The following DCDC2B variants were observed in gnomAD, a reference collection of about 807,000 sequenced individuals.
The protein encoded by DCDC2B is doublecortin domain containing 2B, also known as doublecortin domain-containing protein 2B.
A neutral mutation model predicts 38.9 loss-of-function variants in DCDC2B; 41 were observed. The ratio of observed to expected loss-of-function variants is 1.05; its 90% CI spans 0.82 to 1.37. The LOEUF (loss-of-function observed/expected upper bound fraction) is 1.37, where lower values mean the gene tolerates loss of function less well. Among genes scored for constraint, DCDC2B ranks in the 40% most tolerant of loss-of-function variants. The pLI is 0.00. For missense variants in DCDC2B, 453 were observed against 427.2 expected (o/e 1.06, Z -0.53); for synonymous variants, 181 against 171.9 (o/e 1.05, Z -0.41).
At position 32,215,495 on chromosome 1, in the gene DCDC2B, G is replaced by A. The variant is rs780508572; in HGVS notation, c.906G>A (p.Leu302=). ...PHRRKETAGA[L]EVADDEDTQT... is the part of the protein sequence containing the mutation. ...GAAGGAAGGAGACAGCGGGGGCCCT[G>A]GAAGTAGCAGATGATGAAGACACTC... Residue 302 remains leucine, a synonymous_variant, in exon 8 of 9, where the codon CTG becomes CTA. Transcript: ENST00000409358. The A allele has an allele frequency of 1.2e-6, 2 of 1,613,674 alleles. No homozygotes were observed. Among genetic ancestry groups the A allele is most frequent in the Non-Finnish European group, 1.7e-6 (2 of 1,179,852 alleles).
At chr1:32,211,607 G>A (rs527424116) in intron 2 of DCDC2B, among the ~76,000 whole-genome samples, 154 bp from the exon 3 acceptor site, 1 of 152,304 alleles carries the variant, frequency 6.6e-6, no homozygotes, top group Non-Finnish European at 1.5e-5. Context: ...GAACATCTAA[G>A]CACCGTTTGG....
intron 8 of DCDC2B, 128 bp downstream of exon 8, chr1:32,215,671 A>C: frequency 9.0e-7 from 1 of 1,106,254 alleles, no homozygotes; most frequent in Non-Finnish European, 1.3e-6. Context: ...CTAACTTCCT[A>C]CCTTGTTAAA....
intron 1 of DCDC2B, 68 bp from the exon 2 acceptor site, chr1:32,211,204 C>T: frequency 1.4e-6 from 2 of 1,458,054 alleles, no homozygotes; most frequent in Non-Finnish European, 1.9e-6. Flanking sequence ...CAACCCAACA[C>T]TGACATCTGC....
Position 32,213,602 on chromosome 1 carries a change from G to A in DCDC2B, c.714+809G>A, listed in dbSNP as rs1217584302. On this transcript the variant is annotated intron_variant, in intron 6 of 8. Coordinates refer to ENST00000409358, the MANE Select transcript of DCDC2B (RefSeq NM_001099434.2). ...TGGCTCACTGCCAGCTCCGCCTCCC[G>A]GGTTCATGCCATTCTCCTGCCTCAG... 8.1e-5 allele frequency among the ~76,000 whole-genome samples: 12 copies of A among 147,976 alleles called. No individual in the cohort carries two copies. In the East Asian group the frequency reaches 1.0e-3, roughly 12 times the overall value.
At position 32,212,934 on chromosome 1, in the gene DCDC2B, A is replaced by C; in HGVS notation, c.714+141A>C. 3 of 1,056,740 alleles carry C rather than the reference A, an allele frequency of 2.8e-6. No individual in the cohort carries two copies. The South Asian group carries it at 4.8e-5, about 17-fold the overall frequency. 65.5% of individuals were successfully genotyped at this position (1,056,740 alleles called of 1,614,324 possible). ...GAGACAGAGTCTTGCTCTGTAGTCCAGGCTGGAGTGCAGTGGCAGGATCTT... is the reference window on the plus strand; with the variant it reads ...GAGACAGAGTCTTGCTCTGTAGTCCCGGCTGGAGTGCAGTGGCAGGATCTT... On this transcript the variant is annotated intron_variant, in intron 6 of 8. Coordinates refer to ENST00000409358, the MANE Select transcript of DCDC2B (RefSeq NM_001099434.2).
rs903637223 is a variant in DCDC2B, at chr1:32,209,299, C to T, written c.206C>T (p.Ala69Val). 6.2e-7 allele frequency: 1 copy of T among 1,613,924 alleles called. No homozygotes were observed. Among genetic ancestry groups the T allele is most frequent in the African/African-American group, 1.3e-5 (1 of 74,938 alleles). ...CATGGCCACCCTGTCACCAACCTGGCAGACTTGAAGAACAGAGGGCAGTAT... is the reference window on the plus strand; with the variant it reads ...CATGGCCACCCTGTCACCAACCTGGTAGACTTGAAGAACAGAGGGCAGTAT... ...PCHGHPVTNL[A>V]DLKNRGQYVA... Residue 69 changes from alanine (A) to valine (V), a missense_variant, in exon 1 of 9, where the codon GCA (alanine) becomes GTA (valine). By Grantham distance (64) the Ala-to-Val change is moderately conservative. Transcript: ENST00000409358.
chr1:32,211,882 G>T (rs1569750288), intron 3 of DCDC2B, 45 bp downstream of exon 3: 1 of 1,573,188 alleles, frequency 6.4e-7, no homozygotes, highest in Non-Finnish European at 8.6e-7. Context: ...GTTTGTTTTA[G>T]TAAGGCCAAG....
intron 8 of DCDC2B, 32 bp downstream of exon 8, chr1:32,215,575 G>A: frequency 6.3e-7 from 1 of 1,599,530 alleles, no homozygotes; most frequent in Non-Finnish European, 8.5e-7. Flanking sequence ...CAGTATGTTG[G>A]GGTGGGAGGA....
Position 32,212,822 on chromosome 1 carries a change from G to A in DCDC2B, c.714+29G>A. 1.9e-6 allele frequency: 3 copies of A among 1,611,292 alleles called. No individual in the cohort carries two copies. The East Asian group carries it at 6.7e-5, about 36-fold the overall frequency. The stretch of plus-strand genomic sequence containing the variant: ...GGTGACGCAGGGGACAATGAGGGGT[G>A]GGAAGAAGGGGAGTGACTGGCTGAC... On this transcript the variant is annotated intron_variant, in intron 6 of 8. Coordinates refer to ENST00000409358, the MANE Select transcript of DCDC2B (RefSeq NM_001099434.2).
intron 3 of DCDC2B, 108 bp from the exon 4 acceptor site, chr1:32,211,962 T>TG: frequency 6.5e-7 from 1 of 1,539,762 alleles, no homozygotes; most frequent in South Asian, 1.2e-5. Flanking sequence ...GCATGCTTGA[T>TG]GGGTGAAGAG....
At chr1:32,212,823 GGAA>G (rs1395283572) in intron 6 of DCDC2B, 30 bp downstream of exon 6, 3 of 1,611,306 alleles carry the variant, frequency 1.9e-6, no homozygotes, top group East Asian at 2.2e-5. Context: ...ATGAGGGGTG[GGAA>G]GAAGGGGAGT....
At chr1:32,214,955 G>A (rs764346870) in intron 7 of DCDC2B, 23 bp downstream of exon 7, 4 of 1,613,412 alleles carry the variant, frequency 2.5e-6, no homozygotes, top group Non-Finnish European at 2.5e-6. Context: ...TGGGGCTCAG[G>A]CCCTTCTCAG....
Position 32,212,493 on chromosome 1 carries a change from C to A in DCDC2B, c.531C>A (p.Leu177=). The A allele has an allele frequency of 6.2e-7, 1 of 1,613,964 alleles. No individual in the cohort carries two copies. The highest frequency in any genetic ancestry group is 1.3e-5 in the African/African-American group (1 of 75,056). ...VKLQSGAVCK[L]CTLEGLPLSA... is the part of the protein sequence containing the mutation. ...CCTCCTCACCTCTCTCTCCCAGACTCTGCACCCTAGAGGGGCTCCCACTGT... is the reference window on the plus strand; with the variant it reads ...CCTCCTCACCTCTCTCTCCCAGACTATGCACCCTAGAGGGGCTCCCACTGT... The change falls in exon 5 of 9, where the codon CTC becomes CTA. Residue 177 remains leucine, a synonymous_variant. Transcript: ENST00000409358.
At chr1:32,213,417 A>G (rs1486559749) in intron 6 of DCDC2B, among the ~76,000 whole-genome samples, 3 of 143,756 alleles carry the variant, frequency 2.1e-5, no homozygotes, top group African/African-American at 5.2e-5. Context: ...GCTCACTGCA[A>G]CCTCCACCTT....
rs2124203974 is a variant in DCDC2B, at chr1:32,209,336, A to G, written c.243A>G (p.Gly81=). Reference sequence around the variant, plus strand: ...ACAGAGGGCAGTATGTGGCCGCTGGATTTGAACGATTCCACAAGCTCCAGT... The same window carrying G: ...ACAGAGGGCAGTATGTGGCCGCTGGGTTTGAACGATTCCACAAGCTCCAGT... The part of the protein sequence containing the change: ...LKNRGQYVAA[G]FERFHKLHYL... The change falls in exon 1 of 9, where the codon GGA becomes GGG. Residue 81 remains glycine, a synonymous_variant. Coordinates refer to ENST00000409358, the MANE Select transcript of DCDC2B (RefSeq NM_001099434.2). 6.2e-7 allele frequency: 1 copy of G among 1,613,990 alleles called. No individual in the cohort carries two copies. The highest frequency in any genetic ancestry group is 1.3e-5 in the African/African-American group (1 of 75,048).
At chr1:32,209,819 T>C (rs1251212782) in intron 1 of DCDC2B, among the ~76,000 whole-genome samples, 1 of 152,194 alleles carries the variant, frequency 6.6e-6, no homozygotes, top group Non-Finnish European at 1.5e-5. Context: ...TTTGAGTACC[T>C]GAGTCTCTGA....
intron 4 of DCDC2B, 23 bp from the exon 5 acceptor site, chr1:32,212,467 T>C (rs1345535577): frequency 1.9e-6 from 3 of 1,612,324 alleles, no homozygotes; most frequent in Admixed American, 1.7e-5. Flanking sequence ...CCAGCCCTTA[T>C]CCTCCTCACC....
chr1:32,215,875 C>T lies in DCDC2B; in HGVS notation c.1028C>T (p.Ser343Leu), dbSNP rs1348276936. 6.4e-7 allele frequency: 1 copy of T among 1,552,046 alleles called. No homozygotes were observed. Among genetic ancestry groups the T allele is most frequent in the South Asian group, 1.2e-5 (1 of 84,084 alleles). ...QPGAGAAISA[S>L]APALPS ...GGGGCTGGGGCTGCTATCTCAGCCT[C>T]AGCCCCAGCTCTGCCATCTTGAGAG... Residue 343 changes from serine (S) to leucine (L), a missense_variant, in exon 9 of 9, where the codon TCA becomes TTA. By Grantham distance (145) the Ser-to-Leu change is moderately radical. Coordinates refer to ENST00000409358, the MANE Select transcript of DCDC2B (RefSeq NM_001099434.2).
At chr1:32,211,901 G>A (rs1017345103) in intron 3 of DCDC2B, 64 bp downstream of exon 3, 34 of 1,558,276 alleles carry the variant, frequency 2.2e-5, no homozygotes, top group Non-Finnish European at 3.0e-5. Context: ...AGAAAATGGT[G>A]TTGGGTTTGT....
Sources: gnomAD v4.1 joint callset for allele counts (sites outside exome capture counted in the v4.1 genomes callset) on GRCh38, gnomAD v4.1.1 for gene constraint, MANE v1.5 for transcripts, NCBI Gene and HGNC (gene_info 2026-07-23, HGNC 2026-07-21) for gene names.